CCSER1: variants seen among roughly 807,000 people sequenced by gnomAD.
CCSER1 encodes coiled-coil serine rich protein 1, also known as serine-rich coiled-coil domain-containing protein 1.
Under a neutral mutation model 82.0 loss-of-function variants are expected in CCSER1, and 41 were observed. That is an observed-to-expected ratio of 0.50 (90% confidence interval 0.39 to 0.65). The LOEUF (loss-of-function observed/expected upper bound fraction) is 0.65. Among genes scored for constraint, CCSER1 ranks in the 30% least tolerant of loss-of-function variants. CCSER1 has a pLI of 0.00. For synonymous variants in CCSER1, 414 were observed against 383.9 expected (o/e 1.08, Z -0.92); for missense variants, 1,119 against 1,064.2 (o/e 1.05, Z -0.72).
chr4:91,560,274 T>C (rs903486150), intron 10 of CCSER1, among the ~76,000 whole-genome samples: 1 of 126,370 alleles, frequency 7.9e-6, no homozygotes, highest in African/African-American at 3.1e-5. Context: ...TTGTGCACTA[T>C]TGTTGAAGCA....
chr4:90,152,170 GC>G (rs1726987137), intron 1 of CCSER1, among the ~76,000 whole-genome samples: 1 of 152,126 alleles, frequency 6.6e-6, no homozygotes, highest in African/African-American at 2.4e-5. Context: ...TAGAGCCTCT[GC>G]TTTATCTCTC....
chr4:91,142,365 T>A (rs1211631367), intron 10 of CCSER1, among the ~76,000 whole-genome samples: 1 of 152,198 alleles, frequency 6.6e-6, no homozygotes, highest in Non-Finnish European at 1.5e-5. Context: ...TAAACCTCTT[T>A]CCTTTATAAA....
chr4:90,357,562 T>A (rs748278093), intron 3 of CCSER1, among the ~76,000 whole-genome samples: 2 of 152,024 alleles, frequency 1.3e-5, no homozygotes, highest in African/African-American at 2.4e-5. Context: ...ATTTTCCAAT[T>A]TTTAAAATTC....
intron 10 of CCSER1, among the ~76,000 whole-genome samples, chr4:91,427,234 T>G (rs1754039486): frequency 6.6e-6 from 1 of 152,142 alleles, no homozygotes; most frequent in Non-Finnish European, 1.5e-5. Flanking sequence ...TGGGACACAT[T>G]GATTGCTCCA....
chr4:90,395,558 T>C (rs1277583532), intron 3 of CCSER1, among the ~76,000 whole-genome samples: 1 of 152,146 alleles, frequency 6.6e-6, no homozygotes, highest in Non-Finnish European at 1.5e-5. Context: ...GGTCTAGTGA[T>C]TGGAATTTGC....
chr4:90,333,371 G>C (rs1034343383), intron 3 of CCSER1, among the ~76,000 whole-genome samples: 2 of 151,538 alleles, frequency 1.3e-5, no homozygotes, highest in Non-Finnish European at 2.9e-5. Context: ...CACTAACCAG[G>C]AATTAGACAA....
intron 7 of CCSER1, among the ~76,000 whole-genome samples, chr4:90,767,913 A>G (rs1368813153): frequency 6.6e-6 from 1 of 152,116 alleles, no homozygotes; most frequent in Non-Finnish European, 1.5e-5. Flanking sequence ...TGGGCCTCCC[A>G]AAGTGTTGGG....
rs148725797 is a variant in CCSER1 at position 91,182,671 on chromosome 4, G to C, written c.2217+96677G>C. 6.4e-3 allele frequency among the ~76,000 whole-genome samples: 975 copies of C among 152,308 alleles called. 8 individuals carry two copies. Among genetic ancestry groups the C allele is most frequent in the African/African-American group, 0.022 (914 of 41,556 alleles). On this transcript the variant is annotated intron_variant, in intron 10 of 10. Transcript: ENST00000509176. Reference sequence around the variant, plus strand: ...GCCTGGGGCATTATCTGTTTTAATAGAAGCTGGAATGCCCATCACCACAAA... The same window carrying C: ...GCCTGGGGCATTATCTGTTTTAATACAAGCTGGAATGCCCATCACCACAAA...
chr4:90,623,962 C>A (rs926437329), intron 5 of CCSER1, among the ~76,000 whole-genome samples: 1 of 152,070 alleles, frequency 6.6e-6, no homozygotes, highest in Non-Finnish European at 1.5e-5. Context: ...ATAACCTGAA[C>A]CTTTTTAAAA....
intron 10 of CCSER1, among the ~76,000 whole-genome samples, chr4:91,504,547 T>G (rs2110100663): frequency 6.6e-6 from 1 of 152,246 alleles, no homozygotes; most frequent in East Asian, 1.9e-4. Flanking sequence ...AGAAATTTCA[T>G]TATATCATCA....
At chr4:91,483,267 A>T (rs1054455219) in intron 10 of CCSER1, among the ~76,000 whole-genome samples, 23 of 152,274 alleles carry the variant, frequency 1.5e-4, no homozygotes, top group Non-Finnish European at 2.5e-4. Flanking sequence ...AAACAGCCAA[A>T]AGGGTAAGAA....
intron 8 of CCSER1, among the ~76,000 whole-genome samples, chr4:90,816,559 A>G (rs1216694320): frequency 1.3e-5 from 2 of 152,076 alleles, no homozygotes; most frequent in African/African-American, 2.4e-5. Context: ...ATTTTAAAAG[A>G]TAGTACTCTA....
At chr4:90,379,660 T>A (rs1748907984) in intron 3 of CCSER1, among the ~76,000 whole-genome samples, 1 of 152,138 alleles carries the variant, frequency 6.6e-6, no homozygotes, top group Admixed American at 6.5e-5. Context: ...CTGAAATCTA[T>A]AAAATAAAGA....
chr4:91,319,782 T>C (rs1013698595), intron 10 of CCSER1: 2 of 451,752 alleles, frequency 4.4e-6, no homozygotes, highest in African/African-American at 4.0e-5. Flanking sequence ...TCTTATGCTC[T>C]AAAGTCCCTC....
intron 10 of CCSER1, among the ~76,000 whole-genome samples, chr4:91,480,196 T>C (rs1348165261): frequency 6.6e-6 from 1 of 152,090 alleles, no homozygotes; most frequent in African/African-American, 2.4e-5. Context: ...AATGCCGCAA[T>C]GAACATACAT....
At chr4:90,189,561 T>TACACACATAC (rs1735237803) in intron 1 of CCSER1, among the ~76,000 whole-genome samples, 1 of 151,916 alleles carries the variant, frequency 6.6e-6, no homozygotes, top group African/African-American at 2.4e-5. Context: ...TATATATGTA[T>TACACACATAC]GTATATATAC....
intron 10 of CCSER1, among the ~76,000 whole-genome samples, chr4:91,150,270 G>A (rs1730027298): frequency 6.6e-6 from 1 of 151,996 alleles, no homozygotes; most frequent in South Asian, 2.1e-4. Flanking sequence ...TTATGATTTG[G>A]CTCTCTGTTT....
chr4:91,496,076 A>G (rs1758787798), intron 10 of CCSER1, among the ~76,000 whole-genome samples: 1 of 151,636 alleles, frequency 6.6e-6, no homozygotes, highest in Admixed American at 6.6e-5. Context: ...CCATTAGACA[A>G]ATAACAGAGA....
chr4:90,603,342 T>C (rs1408895823), intron 5 of CCSER1, among the ~76,000 whole-genome samples: 2 of 152,314 alleles, frequency 1.3e-5, no homozygotes, highest in East Asian at 1.9e-4. Context: ...CTGAAAGCTA[T>C]TGGGAAAACT....
Sources: gnomAD v4.1 joint callset for allele counts (sites outside exome capture counted in the v4.1 genomes callset) on GRCh38, gnomAD v4.1.1 for gene constraint, MANE v1.5 for transcripts, NCBI Gene and HGNC (gene_info 2026-07-23, HGNC 2026-07-21) for gene names.